INPP4B: variants seen among roughly 807,000 people sequenced by gnomAD.
INPP4B encodes the protein inositol polyphosphate 4-phosphatase type II.
A neutral mutation model predicts 122.5 loss-of-function variants in INPP4B; 55 were observed. The ratio of observed to expected loss-of-function variants is 0.45; its 90% CI spans 0.36 to 0.56. The LOEUF is 0.56. Ranked by LOEUF, INPP4B falls within the 20% of genes least tolerant of loss-of-function variation. INPP4B has a pLI of 0.00. For synonymous variants in INPP4B, 403 were observed against 388.7 expected (o/e 1.04, Z -0.43); for missense variants, 1,000 against 1,097.7 (o/e 0.91, Z 1.26).
chr4:142,310,693 T>C (rs1440339871), intron 8 of INPP4B, among the ~76,000 whole-genome samples: 1 of 148,490 alleles, frequency 6.7e-6, no homozygotes, highest in East Asian at 2.0e-4. Flanking sequence ...TTTTTTTTTC[T>C]GTTAACCATA....
intron 12 of INPP4B, among the ~76,000 whole-genome samples, chr4:142,228,732 C>T (rs1367565054): frequency 2.0e-5 from 3 of 151,296 alleles, no homozygotes; most frequent in Non-Finnish European, 4.4e-5. Context: ...TTTAAATATA[C>T]AATTAGAGAT....
chr4:142,088,031 A>G (rs1208027879), intron 23 of INPP4B, among the ~76,000 whole-genome samples: 1 of 152,198 alleles, frequency 6.6e-6, no homozygotes, highest in Non-Finnish European at 1.5e-5. Flanking sequence ...AAGTTGTCAA[A>G]AGTCATATCT....
rs574618555 is a variant in INPP4B at position 142,264,984 on chromosome 4, C to G, written c.616-4420G>C. 5.9e-5 allele frequency among the ~76,000 whole-genome samples: 9 copies of G among 152,034 alleles called. No homozygotes were observed. In the East Asian group the frequency reaches 1.7e-3, roughly 30 times the overall value. Reference sequence around the variant, plus strand: ...TCTTTCTCTCTCTCTCTCTCCCTCTCTCTCCCTCTCTCTCCCTCCCCCACT... The same window carrying G: ...TCTTTCTCTCTCTCTCTCTCCCTCTGTCTCCCTCTCTCTCCCTCCCCCACT... On this transcript the variant is annotated intron_variant, in intron 10 of 25. Transcript: ENST00000262992.
intron 2 of INPP4B, among the ~76,000 whole-genome samples, chr4:142,711,502 C>A (rs573712365): frequency 6.5e-4 from 94 of 145,616 alleles, no homozygotes; most frequent in African/African-American, 2.1e-3. Context: ...TGACTATCAT[C>A]AATCATTTAT....
chr4:142,689,817 C>G (rs149742295), intron 2 of INPP4B, among the ~76,000 whole-genome samples: 1 of 152,036 alleles, frequency 6.6e-6, no homozygotes, highest in Non-Finnish European at 1.5e-5. Context: ...CATGTTTATG[C>G]GCAGCTAATT....
intron 7 of INPP4B, among the ~76,000 whole-genome samples, chr4:142,348,718 A>C (rs1042695952): frequency 6.6e-6 from 1 of 152,066 alleles, no homozygotes; most frequent in Non-Finnish European, 1.5e-5. Context: ...ATTGTCTAAA[A>C]TGTCCCTAGT....
rs1320540959 is a variant in INPP4B at position 142,654,731 on chromosome 4, T to C, written c.-191+71108A>G. 3 of 152,218 alleles carry C rather than the reference T, an allele frequency of 2.0e-5. No homozygotes were observed. The South Asian group carries it at 6.2e-4, about 32-fold the overall frequency. 9.4% of individuals were successfully genotyped at this position (152,218 alleles called of 1,614,324 possible). A position where few individuals can be genotyped will look rare whatever the true frequency, so the allele number is the denominator to read the frequency against. ...ACAACAAAGTCAGACCAAAGTTCCATTTTAATTTGAAACTCAATTATTCAA... is the reference window on the plus strand; with the variant it reads ...ACAACAAAGTCAGACCAAAGTTCCACTTTAATTTGAAACTCAATTATTCAA... On this transcript the variant is annotated intron_variant, in intron 2 of 25. Transcript: ENST00000262992.
chr4:142,580,628 A>G (rs927649029), intron 2 of INPP4B, among the ~76,000 whole-genome samples: 13 of 152,180 alleles, frequency 8.5e-5, no homozygotes, highest in Middle Eastern at 3.4e-3. Flanking sequence ...TGGTGTTCAA[A>G]TATTACAAGA....
chr4:142,510,696 T>A (rs1036278538), intron 2 of INPP4B, among the ~76,000 whole-genome samples: 1 of 152,174 alleles, frequency 6.6e-6, no homozygotes, highest in African/African-American at 2.4e-5. Context: ...TGTCCCACAT[T>A]TAGAGCTTCT....
chr4:142,202,575 C>T (rs1042847630), intron 14 of INPP4B, among the ~76,000 whole-genome samples: 6 of 152,048 alleles, frequency 3.9e-5, no homozygotes, highest in Non-Finnish European at 8.8e-5. Context: ...CTCTTCTGCT[C>T]CTTCCTTCTA....
chr4:142,137,165 T>A (rs906950033), intron 18 of INPP4B, among the ~76,000 whole-genome samples: 2 of 152,142 alleles, frequency 1.3e-5, no homozygotes, highest in Admixed American at 1.3e-4. Flanking sequence ...CAAAACAGCA[T>A]GATACTGGTA....
chr4:142,341,852 T>G (rs1778800798), intron 7 of INPP4B, among the ~76,000 whole-genome samples: 1 of 152,098 alleles, frequency 6.6e-6, no homozygotes, highest in African/African-American at 2.4e-5. Context: ...TCTGGAGTCT[T>G]CAGTCATACA....
chr4:142,472,324 GAAA>G (rs35559477), intron 2 of INPP4B, among the ~76,000 whole-genome samples: 1 of 140,904 alleles, frequency 7.1e-6, no homozygotes, highest in Non-Finnish European at 1.6e-5. Flanking sequence ...ATCATTGTAG[GAAA>G]AAAAAAAAAA....
intron 1 of INPP4B, among the ~76,000 whole-genome samples, chr4:142,782,281 T>C (rs1451879181): frequency 6.6e-6 from 1 of 151,248 alleles, no homozygotes; most frequent in Non-Finnish European, 1.5e-5. Flanking sequence ...TGATTTCCAA[T>C]TTCATCCATG....
chr4:142,741,528 C>A (rs1018477362), intron 1 of INPP4B, among the ~76,000 whole-genome samples: 1 of 151,560 alleles, frequency 6.6e-6, no homozygotes, highest in African/African-American at 2.4e-5. Flanking sequence ...CACATCCAAA[C>A]CATTTACAGA....
At position 142,028,888 on chromosome 4, in the gene INPP4B, A is replaced by G; in HGVS notation, c.2669T>C (p.Leu890Pro). Reference protein sequence around the residue: ...RREGCRIENVLKNIKCRKYAF... With the variant: ...RREGCRIENVPKNIKCRKYAF... ...ATACTTTCTGCATTTGATATTCTTC[A>G]GTACATTCTCTATGCGGCATCCTTC... The change falls in exon 26 of 26, where the codon CTG becomes CCG. Residue 890 changes from leucine (L) to proline (P), a missense_variant. Physicochemically the swap from Leu to Pro is moderately conservative, Grantham distance 98 (BLOSUM62 -3). Transcript: ENST00000262992. The G allele has an allele frequency of 3.1e-6, 5 of 1,613,356 alleles. No individual in the cohort carries two copies. The highest frequency in any genetic ancestry group is 3.4e-6 in the Non-Finnish European group (4 of 1,179,574).
chr4:142,606,892 CA>C (rs1365236542), intron 2 of INPP4B, among the ~76,000 whole-genome samples: 1 of 151,806 alleles, frequency 6.6e-6, no homozygotes, highest in Admixed American at 6.6e-5. Flanking sequence ...AGAAAGGTAA[CA>C]AATTGTTTAA....
At chr4:142,465,100 T>A (rs1453240905) in intron 2 of INPP4B, among the ~76,000 whole-genome samples, 1 of 152,188 alleles carries the variant, frequency 6.6e-6, no homozygotes, top group African/African-American at 2.4e-5. Context: ...ATACCCGTAA[T>A]GCATACACAA....
chr4:142,425,081 A>C (rs191413205), intron 5 of INPP4B: 3 of 152,050 alleles, frequency 2.0e-5, no homozygotes, highest in East Asian at 1.9e-4. Context: ...AAGAGGAAAA[A>C]ACTTTTCCAA....
Sources: gnomAD v4.1 joint callset for allele counts (sites outside exome capture counted in the v4.1 genomes callset) on GRCh38, gnomAD v4.1.1 for gene constraint, MANE v1.5 for transcripts, NCBI Gene and HGNC (gene_info 2026-07-23, HGNC 2026-07-21) for gene names.